The following OR8G5 variants were observed in gnomAD, a reference collection of about 807,000 sequenced individuals.
OR8G5 encodes the protein olfactory receptor family 8 subfamily G member 5, also known as olfactory receptor 8G5.
For missense variants in OR8G5, 347 were observed against 371.9 expected (o/e 0.93, Z 0.55); for synonymous variants, 147 against 147.7 (o/e 1.00, Z 0.03).
At position 124,265,141 on chromosome 11, in the gene OR8G5, C is replaced by T. The variant is rs535524953; in HGVS notation, c.210C>T (p.Asp70=). 1.5e-5 allele frequency: 25 copies of T among 1,614,126 alleles called. No individual in the cohort carries two copies. The African/African-American group carries it at 3.3e-4, about 22-fold the overall frequency. ...YCFLSSLSFI[D]FCHSTVITPK... is the part of the protein sequence containing the mutation. ...TCCTCAGCAGTCTGTCCTTCATTGACTTCTGCCATTCCACTGTCATTACCC... is the reference window on the plus strand; with the variant it reads ...TCCTCAGCAGTCTGTCCTTCATTGATTTCTGCCATTCCACTGTCATTACCC... Residue 70 remains aspartate, a synonymous_variant, in exon 2 of 2, where the codon GAC becomes GAT. Transcript: ENST00000641992.
chr11:124,260,470 C>T (rs1356261407), intron 1 of OR8G5, among the ~76,000 whole-genome samples: 4 of 151,702 alleles, frequency 2.6e-5, no homozygotes, highest in Admixed American at 1.3e-4. Flanking sequence ...CACAAGTTTA[C>T]CTATATGACA....
Position 124,265,381 on chromosome 11 carries a change from A to G in OR8G5, c.450A>G (p.Val150=), listed in dbSNP as rs1344731669. The stretch of plus-strand genomic sequence containing the variant: ...TTTCTCTGATTTTAGTGGTGTATGT[A>G]ATAGGCCTGATTTGTGCGTCAGCTC... ...ACFSLILVVY[V]IGLICASAHI... is the part of the protein sequence containing the mutation. The change falls in exon 2 of 2, where the codon GTA becomes GTG. Residue 150 remains valine, a synonymous_variant. Transcript: ENST00000641992. The G allele has an allele frequency of 1.2e-6, 2 of 1,614,000 alleles. No homozygotes were observed. Among genetic ancestry groups the G allele is most frequent in the Middle Eastern group, 1.7e-4 (1 of 6,060 alleles).
rs1403984467 is a variant in OR8G5, at chr11:124,265,535, T to G, written c.604T>G (p.Phe202Val). ...CATTAATGAGTTACTGATTTTAATC[T>G]TTAGTGGAATTAACATCCTTGTCCC... ...TYINELLILI[F>V]SGINILVPSL... is the part of the protein sequence containing the mutation. Residue 202 changes from phenylalanine (F) to valine (V), a missense_variant, in exon 2 of 2, where the codon TTT becomes GTT. Transcript: ENST00000641992. The G allele has an allele frequency of 1.9e-6, 3 of 1,613,820 alleles. No homozygotes were observed. Among genetic ancestry groups the G allele is most frequent in the African/African-American group, 1.3e-5 (1 of 74,940 alleles).
At chr11:124,258,671 C>A (rs1861935742) in intron 1 of OR8G5, among the ~76,000 whole-genome samples, 2 of 152,008 alleles carry the variant, frequency 1.3e-5, no homozygotes, top group South Asian at 4.2e-4. Flanking sequence ...CCTCATAGTG[C>A]CCATAGAAGA....
At chr11:124,260,782 T>G (rs975252360) in intron 1 of OR8G5, among the ~76,000 whole-genome samples, 1 of 151,942 alleles carries the variant, frequency 6.6e-6, no homozygotes, top group African/African-American at 2.4e-5. Flanking sequence ...ATCAGGGTAT[T>G]TAGGATACTC....
Position 124,265,782 on chromosome 11 carries a change from T to G in OR8G5, c.851T>G (p.Met284Arg), listed in dbSNP as rs1862024300. 1 of 1,614,190 alleles carries G rather than the reference T, an allele frequency of 6.2e-7. No individual in the cohort carries two copies. The highest frequency in any genetic ancestry group is 8.5e-7 in the Non-Finnish European group (1 of 1,180,014). ...SSVFYTIVVP[M>R]LNPLIYSLRN... Reference sequence around the variant, plus strand: ...GTGTTTTATACTATTGTTGTGCCCATGCTGAACCCCCTGATCTACAGCCTG... The same window carrying G: ...GTGTTTTATACTATTGTTGTGCCCAGGCTGAACCCCCTGATCTACAGCCTG... The change falls in exon 2 of 2, where the codon ATG becomes AGG. Residue 284 changes from methionine (M) to arginine (R), a missense_variant. Coordinates refer to ENST00000641992, the MANE Select transcript of OR8G5 (RefSeq NM_001005198.2).
chr11:124,265,913 T>C lies in OR8G5; in HGVS notation c.*46T>C, dbSNP rs572425292. 1.3e-5 allele frequency: 19 copies of C among 1,508,716 alleles called. No individual in the cohort carries two copies. In the African/African-American group the frequency reaches 2.2e-4, roughly 18 times the overall value. The allele number at this position is 1,508,716 out of a possible 1,614,324, so 93.5% of individuals were successfully genotyped here. A position where few individuals can be genotyped will look rare whatever the true frequency, so the allele number is the denominator to read the frequency against. ...ATTGCATTAGATCTAAGTTTTTGGC[T>C]ATGATATTGTATGAAATGATGTCTT... On this transcript the variant is annotated 3_prime_UTR_variant, in exon 2 of 2. Coordinates refer to ENST00000641992, the MANE Select transcript of OR8G5 (RefSeq NM_001005198.2).
chr11:124,265,679 G>A lies in OR8G5; in HGVS notation c.748G>A (p.Val250Ile). 1 of 1,613,958 alleles carries A rather than the reference G, an allele frequency of 6.2e-7. No individual in the cohort carries two copies. The highest frequency in any genetic ancestry group is 2.2e-5 in the East Asian group (1 of 44,858). ...CAGCTCCCACATCTCGGCTGTTTCT[G>A]TTTTCTTTGGGTCTGCAGCATTCAT... Reference protein sequence around the residue: ...TCSSHISAVSVFFGSAAFMYL... With the variant: ...TCSSHISAVSIFFGSAAFMYL... The change falls in exon 2 of 2, where the codon GTT becomes ATT. Residue 250 changes from valine to isoleucine, a missense_variant. Coordinates refer to ENST00000641992, the MANE Select transcript of OR8G5 (RefSeq NM_001005198.2).
At chr11:124,263,223 C>G (rs974120210) in intron 1 of OR8G5, among the ~76,000 whole-genome samples, 1 of 152,110 alleles carries the variant, frequency 6.6e-6, no homozygotes, top group South Asian at 2.1e-4. Context: ...TAAAAGTCCT[C>G]TGTCAGGCAT....
intron 1 of OR8G5, among the ~76,000 whole-genome samples, chr11:124,261,506 G>A (rs1296548582): frequency 6.6e-6 from 1 of 151,964 alleles, no homozygotes; most frequent in Non-Finnish European, 1.5e-5. Flanking sequence ...TAAATATAAA[G>A]TTCTGCATTC....
intron 1 of OR8G5, among the ~76,000 whole-genome samples, chr11:124,258,992 A>T (rs535271440): frequency 1.4e-4 from 22 of 152,274 alleles, no homozygotes; most frequent in Non-Finnish European, 2.5e-4. Flanking sequence ...AAATGCCTTT[A>T]TGCTTTTATA....
chr11:124,258,048 C>G (rs1213173795), intron 1 of OR8G5, among the ~76,000 whole-genome samples: 1 of 152,040 alleles, frequency 6.6e-6, no homozygotes, highest in African/African-American at 2.4e-5. Context: ...GAGACTTTTC[C>G]CCATTGAATT....
At position 124,265,664 on chromosome 11, in the gene OR8G5, A is replaced by G; in HGVS notation, c.733A>G (p.Ile245Val). 7 of 1,614,002 alleles carry G rather than the reference A, an allele frequency of 4.3e-6. No individual in the cohort carries two copies. The highest frequency in any genetic ancestry group is 5.9e-6 in the Non-Finnish European group (7 of 1,179,910). ...AGCCTTCAGCACTTGCAGCTCCCAC[A>G]TCTCGGCTGTTTCTGTTTTCTTTGG... Reference protein sequence around the residue: ...SKAFSTCSSHISAVSVFFGSA... With the variant: ...SKAFSTCSSHVSAVSVFFGSA... Residue 245 changes from isoleucine (I) to valine (V), a missense_variant, in exon 2 of 2, where the codon ATC (isoleucine) becomes GTC (valine). Coordinates refer to ENST00000641992, the MANE Select transcript of OR8G5 (RefSeq NM_001005198.2).
chr11:124,266,159 A>G lies in OR8G5; in HGVS notation c.*292A>G, dbSNP rs184694338. ...TACATTCCCTTCCCCCTTTTCTTTC[A>G]TGTAATTGATTAAAACATACTCCTC... is the stretch of plus-strand genomic sequence containing the variant. On this transcript the variant is annotated 3_prime_UTR_variant, in exon 2 of 2. Transcript: ENST00000641992. The G allele has an allele frequency of 1.8e-3, 556 of 302,102 alleles. 2 individuals carry two copies. The highest frequency in any genetic ancestry group is 0.011 in the African/African-American group (523 of 46,254). The allele number at this position is 302,102 out of a possible 1,614,324, so 18.7% of individuals were successfully genotyped here.
intron 1 of OR8G5, among the ~76,000 whole-genome samples, chr11:124,258,755 C>G (rs1861936522): frequency 6.6e-6 from 1 of 151,976 alleles, no homozygotes; most frequent in African/African-American, 2.4e-5. Flanking sequence ...CTAAGAGGCT[C>G]TGGATGCCAC....
At position 124,265,052 on chromosome 11, in the gene OR8G5, G is replaced by T. The variant is rs767502101; in HGVS notation, c.121G>T (p.Gly41Trp). ...GGGAATCTATGTAGTCACAGTGCTG[G>T]GGAACCTGGGCATGATCACACTGAT... ...FLGIYVVTVL[G>W]NLGMITLIGL... Residue 41 changes from glycine (G) to tryptophan (W), a missense_variant, in exon 2 of 2, where the codon GGG (glycine) becomes TGG (tryptophan). By Grantham distance (184) the Gly-to-Trp change is radical. Transcript: ENST00000641992. 29 of 1,613,970 alleles carry T rather than the reference G, an allele frequency of 1.8e-5. No homozygotes were observed. The highest frequency in any genetic ancestry group is 2.2e-5 in the Non-Finnish European group (26 of 1,180,026).
intron 1 of OR8G5, among the ~76,000 whole-genome samples, chr11:124,261,758 A>T (rs1861973568): frequency 6.6e-6 from 1 of 151,980 alleles, no homozygotes; most frequent in South Asian, 2.1e-4. Context: ...TGGAATATTT[A>T]TGAAAACTGA....
intron 1 of OR8G5, among the ~76,000 whole-genome samples, chr11:124,257,233 C>A (rs1053018365): frequency 6.6e-6 from 1 of 152,066 alleles, no homozygotes; most frequent in Non-Finnish European, 1.5e-5. Flanking sequence ...GAAGATGGAT[C>A]GTCATGCTGT....
intron 1 of OR8G5, chr11:124,264,702 A>C: frequency 1.7e-6 from 1 of 572,162 alleles, no homozygotes; most frequent in Non-Finnish European, 3.0e-6. Flanking sequence ...ATAGACACTC[A>C]AAGTTTTTAA....
Sources: gnomAD v4.1 joint callset for allele counts (sites outside exome capture counted in the v4.1 genomes callset) on GRCh38, gnomAD v4.1.1 for gene constraint, MANE v1.5 for transcripts, NCBI Gene and HGNC (gene_info 2026-07-23, HGNC 2026-07-21) for gene names.